The following CTNNA3 variants were observed in gnomAD, a reference collection of about 807,000 sequenced individuals.
CTNNA3 encodes catenin alpha-3.
A neutral mutation model predicts 95.7 loss-of-function variants in CTNNA3; 76 were observed. The ratio of observed to expected loss-of-function variants is 0.79; its 90% CI spans 0.66 to 0.96. The LOEUF (loss-of-function observed/expected upper bound fraction) is 0.96. CTNNA3 is among the 40% of genes least tolerant of loss of function. The pLI, the probability that CTNNA3 is intolerant of heterozygous loss-of-function variation, is 0.00. For missense variants in CTNNA3, 1,191 were observed against 1,089.8 expected (o/e 1.09, Z -1.31); for synonymous variants, 431 against 374.4 (o/e 1.15, Z -1.74).
intron 6 of CTNNA3, among the ~76,000 whole-genome samples, chr10:67,196,307 T>C (rs912979951): frequency 2.0e-5 from 3 of 152,070 alleles, no homozygotes; most frequent in African/African-American, 2.4e-5. Flanking sequence ...AAATTATTTA[T>C]AGTACTTTGG....
At chr10:66,155,407 C>T (rs1390869902) in intron 13 of CTNNA3, among the ~76,000 whole-genome samples, 1 of 151,834 alleles carries the variant, frequency 6.6e-6, no homozygotes, top group Non-Finnish European at 1.5e-5. Context: ...ATTAAATAAA[C>T]TAAACTTCAT....
At chr10:67,613,761 A>G (rs1843545516) in intron 2 of CTNNA3, among the ~76,000 whole-genome samples, 1 of 151,682 alleles carries the variant, frequency 6.6e-6, no homozygotes, top group African/African-American at 2.4e-5. Context: ...TGCCATAACA[A>G]AATACCACAG....
At chr10:67,041,963 C>T (rs879825502) in intron 7 of CTNNA3, among the ~76,000 whole-genome samples, 5 of 152,006 alleles carry the variant, frequency 3.3e-5, no homozygotes, top group Non-Finnish European at 5.9e-5. Context: ...CAGAAGGACA[C>T]ATTGGGCATA....
At chr10:66,052,801 ATTCTTTCTG>A (rs2079989212) in intron 15 of CTNNA3, among the ~76,000 whole-genome samples, 1 of 152,162 alleles carries the variant, frequency 6.6e-6, no homozygotes, top group African/African-American at 2.4e-5. Flanking sequence ...TGGGCAAAGC[ATTCTTTCTG>A]AATAAGAAAA....
intron 7 of CTNNA3, among the ~76,000 whole-genome samples, chr10:66,864,750 T>C (rs1352795307): frequency 2.0e-5 from 3 of 152,272 alleles, no homozygotes; most frequent in African/African-American, 4.8e-5. Context: ...AATTCTGTTA[T>C]AGAGTGCTCA....
At position 66,662,518 on chromosome 10, in the gene CTNNA3, C is replaced by T. The variant is rs759525457; in HGVS notation, c.1282-40734G>A. ...TTCCCCTTTCATTAACAAATAGAAG[C>T]AACTGGAAGAGCTCTTCTACTTACT... On this transcript the variant is annotated intron_variant, in intron 9 of 17. Coordinates refer to ENST00000433211, the MANE Select transcript of CTNNA3 (RefSeq NM_013266.4). 1.6e-4 allele frequency among the ~76,000 whole-genome samples: 25 copies of T among 152,094 alleles called. 1 individual carries two copies. Among genetic ancestry groups the T allele is most frequent in the Non-Finnish European group, 3.5e-4 (24 of 68,016 alleles).
intron 1 of CTNNA3, among the ~76,000 whole-genome samples, chr10:67,752,747 AG>A (rs1199619667): frequency 6.6e-6 from 1 of 152,206 alleles, no homozygotes; most frequent in Non-Finnish European, 1.5e-5. Flanking sequence ...TAAAATACTT[AG>A]GAATACAGCT....
intron 17 of CTNNA3, among the ~76,000 whole-genome samples, chr10:65,932,203 C>T (rs2077265304): frequency 6.6e-6 from 1 of 152,080 alleles, no homozygotes; most frequent in Non-Finnish European, 1.5e-5. Flanking sequence ...CGACATCTAC[C>T]TTATAGGGTT....
chr10:66,817,880 CA>C (rs2132282192), intron 7 of CTNNA3, among the ~76,000 whole-genome samples: 1 of 151,878 alleles, frequency 6.6e-6, no homozygotes, highest in South Asian at 2.1e-4. Context: ...AATATAAGTA[CA>C]AAAACCATCA....
intron 7 of CTNNA3, among the ~76,000 whole-genome samples, chr10:67,110,597 C>G (rs1470549542): frequency 1.3e-5 from 2 of 152,056 alleles, no homozygotes; most frequent in Non-Finnish European, 2.9e-5. Flanking sequence ...GAAATACAAG[C>G]CTTAGATGAT....
chr10:66,944,175 C>T (rs1848163454), intron 7 of CTNNA3, among the ~76,000 whole-genome samples: 1 of 152,208 alleles, frequency 6.6e-6, no homozygotes, highest in Non-Finnish European at 1.5e-5. Flanking sequence ...TCCTCTCAAA[C>T]TCTGCCACTG....
chr10:66,580,018 TG>T (rs1331273537), intron 10 of CTNNA3, among the ~76,000 whole-genome samples: 2 of 151,786 alleles, frequency 1.3e-5, no homozygotes, highest in African/African-American at 2.4e-5. Context: ...GGTTGTGTTT[TG>T]TTTTTGTTTT....
At chr10:67,105,549 T>G (rs1382349869) in intron 7 of CTNNA3, among the ~76,000 whole-genome samples, 1 of 152,108 alleles carries the variant, frequency 6.6e-6, no homozygotes, top group Non-Finnish European at 1.5e-5. Flanking sequence ...TTTACATCAA[T>G]GATATATTTG....
chr10:66,949,322 C>T (rs890708344), intron 7 of CTNNA3, among the ~76,000 whole-genome samples: 1 of 152,060 alleles, frequency 6.6e-6, no homozygotes, highest in African/African-American at 2.4e-5. Context: ...TTTGGGAGGC[C>T]GAGGCAGGTG....
chr10:67,286,004 G>C (rs1361034260), intron 5 of CTNNA3, among the ~76,000 whole-genome samples: 1 of 152,134 alleles, frequency 6.6e-6, no homozygotes, highest in Non-Finnish European at 1.5e-5. Context: ...GCTGTTTGGG[G>C]CTGCTTTGGG....
chr10:67,621,179 G>A (rs1039534425), intron 2 of CTNNA3, among the ~76,000 whole-genome samples: 1 of 151,958 alleles, frequency 6.6e-6, no homozygotes, highest in African/African-American at 2.4e-5. Context: ...TTTGTGTAAG[G>A]CCTGGGCATC....
intron 5 of CTNNA3, among the ~76,000 whole-genome samples, chr10:67,424,754 C>T (rs547394199): frequency 6.6e-6 from 1 of 152,128 alleles, no homozygotes; most frequent in South Asian, 2.1e-4. Context: ...TCTAATTATG[C>T]TCATCGACTA....
intron 7 of CTNNA3, among the ~76,000 whole-genome samples, 167 bp downstream of exon 7, chr10:67,180,150 G>T (rs1862448824): frequency 6.6e-6 from 1 of 152,104 alleles, no homozygotes; most frequent in Non-Finnish European, 1.5e-5. Context: ...TCCCAGGGTT[G>T]TTGTTCCCTG....
At chr10:65,968,864 C>T (rs552499861) in intron 16 of CTNNA3, among the ~76,000 whole-genome samples, 9 of 152,176 alleles carry the variant, frequency 5.9e-5, no homozygotes, top group Non-Finnish European at 1.0e-4. Flanking sequence ...TACCCACTCA[C>T]TGGATTATGC....
Sources: allele counts gnomAD v4.1 joint callset (sites outside exome capture counted in the v4.1 genomes callset), GRCh38; gene constraint gnomAD v4.1.1; transcripts MANE v1.5; gene names NCBI Gene and HGNC (gene_info 2026-07-23, HGNC 2026-07-21).